Variants in RPS6KB1 observed in about 807,000 individuals in gnomAD.
RPS6KB1 encodes ribosomal protein S6 kinase beta-1.
In RPS6KB1, 12 loss-of-function variants were observed where a neutral mutation model predicts 70.2. That is an observed-to-expected ratio of 0.17 (90% CI 0.11 to 0.28). The LOEUF (loss-of-function observed/expected upper bound fraction) is 0.28. Ranked by LOEUF, RPS6KB1 falls within the 10% of genes least tolerant of loss-of-function variation. The pLI is 1.00. For synonymous variants in RPS6KB1, 175 were observed against 211.2 expected, an observed-to-expected ratio of 0.83 and a Z score of 1.49; for missense variants, 270 against 646.6, an observed-to-expected ratio of 0.42 and a Z score of 6.32.
rs186414418 is a variant in RPS6KB1, at chr17:59,937,694, C to T, written c.1119+1153C>T. 9.0e-4 allele frequency among the ~76,000 whole-genome samples: 137 copies of T among 152,338 alleles called. 2 individuals are homozygous for T. The highest frequency in any genetic ancestry group is 7.5e-3 in the Admixed American group (115 of 15,298). Reference sequence around the variant, plus strand: ...AGGCATATTGGATTAGGGTTCCTCTCTACTCCAGTAGGACCTCATCTTCAC... The same window carrying T: ...AGGCATATTGGATTAGGGTTCCTCTTTACTCCAGTAGGACCTCATCTTCAC... On this transcript the variant is annotated intron_variant, in intron 12 of 14. Coordinates refer to ENST00000225577, the MANE Select transcript of RPS6KB1 (RefSeq NM_003161.4).
intron 12 of RPS6KB1, 101 bp from the exon 13 acceptor site, chr17:59,940,735 A>G (rs1261203907): frequency 1.4e-5 from 9 of 623,708 alleles, no homozygotes; most frequent in African/African-American, 9.3e-5. Context: ...ATACTTTATT[A>G]TAGTTAACCC....
chr17:59,918,154 A>G (rs1274849749), intron 4 of RPS6KB1, among the ~76,000 whole-genome samples: 1 of 152,054 alleles, frequency 6.6e-6, no homozygotes, highest in African/African-American at 2.4e-5. Flanking sequence ...GCTGGTTTCG[A>G]ACTCCTGACT....
chr17:59,931,555 T>A, intron 6 of RPS6KB1, 67 bp from the exon 7 acceptor site: 1 of 1,240,590 alleles, frequency 8.1e-7, no homozygotes, highest in South Asian at 1.2e-5. Context: ...GGAATTTTGC[T>A]CCATACGTAA....
At chr17:59,895,800 T>C (rs2041518033) in intron 1 of RPS6KB1, among the ~76,000 whole-genome samples, 1 of 151,714 alleles carries the variant, frequency 6.6e-6, no homozygotes, top group Admixed American at 6.6e-5. Context: ...GCCTGGCTAA[T>C]TGTTTGTATT....
intron 4 of RPS6KB1, among the ~76,000 whole-genome samples, chr17:59,915,081 C>T (rs1319459139): frequency 1.3e-5 from 2 of 152,012 alleles, no homozygotes; most frequent in African/African-American, 2.4e-5. Flanking sequence ...CTCCACCTCC[C>T]GGGTTCAGGT....
intron 13 of RPS6KB1, among the ~76,000 whole-genome samples, chr17:59,944,529 G>A (rs996328849): frequency 6.6e-6 from 1 of 151,980 alleles, no homozygotes; most frequent in Admixed American, 6.6e-5. Context: ...AGGCTGCAGT[G>A]AGCTATGTTA....
chr17:59,913,918 C>G (rs1468990717), intron 3 of RPS6KB1: 2 of 152,210 alleles, frequency 1.3e-5, no homozygotes, highest in East Asian at 3.8e-4. Context: ...CCAGGCTGGT[C>G]TTGAACTCCT....
At chr17:59,900,623 CA>C (rs1293369305) in intron 1 of RPS6KB1, among the ~76,000 whole-genome samples, 1 of 152,068 alleles carries the variant, frequency 6.6e-6, no homozygotes. Context: ...GCCTTGGCCC[CA>C]AAGTGCTGGG....
chr17:59,902,100 C>CTT (rs35721755), intron 1 of RPS6KB1, among the ~76,000 whole-genome samples: 131 of 81,638 alleles, frequency 1.6e-3, no homozygotes, highest in East Asian at 2.7e-3. Flanking sequence ...GTGGCTTTCA[C>CTT]TTTTTTTTTT....
rs1007151142 is a variant in RPS6KB1, at chr17:59,935,133, T to C, written c.871-60T>C. Reference sequence around the variant, plus strand: ...TGGATAATATTATTCAAAATTTGTTTCTTATATGCTAATATTTTTCTCTCC... The same window carrying C: ...TGGATAATATTATTCAAAATTTGTTCCTTATATGCTAATATTTTTCTCTCC... On this transcript the variant is annotated intron_variant, in intron 9 of 14. Transcript: ENST00000225577. 47 of 994,364 alleles carry C rather than the reference T, an allele frequency of 4.7e-5. No individual in the cohort carries two copies. In the Middle Eastern group the frequency reaches 8.9e-4, roughly 19 times the overall value. 61.6% of individuals were successfully genotyped at this position (994,364 alleles called of 1,614,324 possible).
chr17:59,907,232 T>TGACCTCGTGATCTGCCTGCCTCGGCCTCC, intron 1 of RPS6KB1: 1 of 151,820 alleles, frequency 6.6e-6, no homozygotes, highest in Non-Finnish European at 1.5e-5. Flanking sequence ...CTTGATCTCC[T>TGACCTCGTGATCTGCCTGCCTCGGCCTCC]GACCTCGTGA....
intron 13 of RPS6KB1, 112 bp from the exon 14 acceptor site, chr17:59,945,294 A>G (rs1251631111): frequency 1.6e-6 from 1 of 622,116 alleles, no homozygotes; most frequent in African/African-American, 1.8e-5. Context: ...GAGTGTACAC[A>G]TTGGTGGTTT....
chr17:59,921,693 G>C (rs1243199186), intron 4 of RPS6KB1, among the ~76,000 whole-genome samples: 1 of 152,174 alleles, frequency 6.6e-6, no homozygotes. Flanking sequence ...GAGTGGAATA[G>C]TGAGGAAAAG....
intron 1 of RPS6KB1, among the ~76,000 whole-genome samples, chr17:59,900,215 CACACACACACA>C (rs1568377254): frequency 7.5e-6 from 1 of 134,106 alleles, no homozygotes; most frequent in African/African-American, 3.2e-5. Flanking sequence ...CACACACACA[CACACACACACA>C]CACACCCCTA....
chr17:59,921,446 G>A (rs2043259160), intron 4 of RPS6KB1, among the ~76,000 whole-genome samples: 1 of 152,128 alleles, frequency 6.6e-6, no homozygotes, highest in Admixed American at 6.6e-5. Flanking sequence ...ATGACTATAG[G>A]CTCCCTTTGA....
Position 59,926,513 on chromosome 17 carries a change from T to A in RPS6KB1, c.460T>A (p.Phe154Ile). Reference sequence around the variant, plus strand: ...TATTCTGGAGGAAGTAAAGCATCCCTTCATCGTGGATTTAATTTATGCCTT... The same window carrying A: ...TATTCTGGAGGAAGTAAAGCATCCCATCATCGTGGATTTAATTTATGCCTT... ...RNILEEVKHP[F>I]IVDLIYAFQT... Residue 154 changes from phenylalanine to isoleucine, a missense_variant, in exon 5 of 15, where the codon TTC becomes ATC. Around this residue, in one of 4 missense-constraint regions of RPS6KB1, gnomAD observed 44 missense variants for 102.5 expected, o/e 0.43. Transcript: ENST00000225577. 6.2e-7 allele frequency: 1 copy of A among 1,612,026 alleles called. No individual in the cohort carries two copies. Among genetic ancestry groups the A allele is most frequent in the Non-Finnish European group, 8.5e-7 (1 of 1,178,248 alleles).
chr17:59,939,937 A>G (rs540608020), intron 12 of RPS6KB1, among the ~76,000 whole-genome samples: 1 of 152,374 alleles, frequency 6.6e-6, no homozygotes, highest in East Asian at 1.9e-4. Context: ...AATTAAATAA[A>G]TAAATCTCAT....
In RPS6KB1 at chr17:59,913,652, T is replaced by C. The variant is rs2042777211; in HGVS notation, c.312+848T>C. On this transcript the variant is annotated intron_variant, in intron 3 of 14. Transcript: ENST00000225577. ...AAGTGCCTTATATAAAATGGCATAG[T>C]ATTTGCATATAAGCTACACACATCC... is the stretch of plus-strand genomic sequence containing the variant. 4 of 152,194 alleles carry C rather than the reference T, an allele frequency of 2.6e-5. No homozygotes were observed. The South Asian group carries it at 8.3e-4, about 31-fold the overall frequency. 9.4% of individuals were successfully genotyped at this position (152,194 alleles called of 1,614,324 possible).
intron 1 of RPS6KB1, among the ~76,000 whole-genome samples, chr17:59,908,096 G>A (rs1450424166): frequency 6.6e-6 from 1 of 151,896 alleles, no homozygotes; most frequent in South Asian, 2.1e-4. Context: ...ATGTTACTCT[G>A]TGTATTAAAA....
Sources: gnomAD v4.1 joint callset for allele counts (sites outside exome capture counted in the v4.1 genomes callset) on GRCh38, gnomAD v4.1.1 for gene constraint, gnomAD v4.1.1 regional missense constraint, MANE v1.5 for transcripts, NCBI Gene and HGNC (gene_info 2026-07-23, HGNC 2026-07-21) for gene names.